Variants in TTC7B observed in about 807,000 individuals in gnomAD.
TTC7B encodes the protein tetratricopeptide repeat domain 7B, also known as tetratricopeptide repeat protein 7B.
In TTC7B, 28 loss-of-function variants were observed where a neutral mutation model predicts 106.8. The observed-to-expected ratio is 0.26, with a 90% CI of 0.19 to 0.36. The LOEUF (loss-of-function observed/expected upper bound fraction) is 0.36, where lower values mean the gene tolerates loss of function less well. TTC7B is among the 10% of genes least tolerant of loss of function. The probability of loss-of-function intolerance (pLI) is 1.00; values close to 1 mark genes in which losing one functional copy is unlikely to be tolerated. For missense variants in TTC7B, 862 were observed against 1,076.4 expected (o/e 0.80, Z 2.79); for synonymous variants, 405 against 430.6 (o/e 0.94, Z 0.74).
intron 9 of TTC7B, among the ~76,000 whole-genome samples, chr14:90,664,319 G>T (rs1259869482): frequency 6.6e-6 from 1 of 152,080 alleles, no homozygotes; most frequent in East Asian, 1.9e-4. Context: ...ACCCAGGCTG[G>T]AGTGTGGTAG....
At chr14:90,758,683 T>C (rs1890400720) in intron 3 of TTC7B, among the ~76,000 whole-genome samples, 1 of 152,154 alleles carries the variant, frequency 6.6e-6, no homozygotes, top group Non-Finnish European at 1.5e-5. Context: ...GTCCCAAGAC[T>C]CGTTCACAGG....
At chr14:90,650,076 G>A (rs1885650451) in intron 13 of TTC7B, among the ~76,000 whole-genome samples, 1 of 152,236 alleles carries the variant, frequency 6.6e-6, no homozygotes, top group South Asian at 2.1e-4. Flanking sequence ...GGCTCTCTTA[G>A]ATTCCATTTC....
chr14:90,785,818 G>A (rs1042682369), intron 2 of TTC7B, among the ~76,000 whole-genome samples: 28 of 152,172 alleles, frequency 1.8e-4, no homozygotes, highest in African/African-American at 5.3e-4. Flanking sequence ...GCTGTGCGCT[G>A]AGCATCCTTC....
intron 11 of TTC7B, among the ~76,000 whole-genome samples, chr14:90,656,512 G>A (rs1885953941): frequency 6.6e-6 from 1 of 152,178 alleles, no homozygotes; most frequent in South Asian, 2.1e-4. Context: ...CGTATGTGAA[G>A]GAATAGAAAT....
chr14:90,555,316 T>G (rs998294005), intron 19 of TTC7B, among the ~76,000 whole-genome samples: 2 of 152,164 alleles, frequency 1.3e-5, no homozygotes, highest in Non-Finnish European at 2.9e-5. Flanking sequence ...TGCCTGGCAC[T>G]GCAGGCCCTT....
At chr14:90,616,173 G>A (rs1466604631) in intron 16 of TTC7B, among the ~76,000 whole-genome samples, 2 of 152,144 alleles carry the variant, frequency 1.3e-5, no homozygotes, top group Non-Finnish European at 2.9e-5. Flanking sequence ...TTTCTAAAGG[G>A]GGTACAGGCA....
intron 19 of TTC7B, among the ~76,000 whole-genome samples, chr14:90,546,446 G>C (rs1359612239): frequency 6.6e-6 from 1 of 152,246 alleles, no homozygotes; most frequent in African/African-American, 2.4e-5. Context: ...CCTTCCCTGG[G>C]TTCAGCCAGG....
At chr14:90,691,611 G>T (rs1257549296) in intron 6 of TTC7B, among the ~76,000 whole-genome samples, 1 of 152,210 alleles carries the variant, frequency 6.6e-6, no homozygotes, top group East Asian at 1.9e-4. Flanking sequence ...GAGAAAGGTG[G>T]GAAGTGGGCC....
intron 15 of TTC7B, 54 bp from the exon 16 acceptor site, chr14:90,618,099 C>A: frequency 7.4e-7 from 1 of 1,360,336 alleles, no homozygotes; most frequent in Non-Finnish European, 1.0e-6. Context: ...ACAGAGTCCC[C>A]ATCCCAGCAA....
chr14:90,606,687 G>C (rs1892654311), intron 17 of TTC7B, among the ~76,000 whole-genome samples: 1 of 152,252 alleles, frequency 6.6e-6, no homozygotes, highest in East Asian at 1.9e-4. Flanking sequence ...GATACCTAAG[G>C]GGAAGTCATG....
chr14:90,635,759 C>CAA (rs34829977), intron 15 of TTC7B, among the ~76,000 whole-genome samples: 1 of 110,510 alleles, frequency 9.0e-6, no homozygotes, highest in Non-Finnish European at 1.8e-5. Context: ...GACTCTGTCT[C>CAA]AAAAAAAAAA....
chr14:90,804,557 C>T (rs1212749634), intron 1 of TTC7B, among the ~76,000 whole-genome samples: 5 of 152,218 alleles, frequency 3.3e-5, no homozygotes, highest in South Asian at 2.1e-4. Flanking sequence ...AGGCTCAGCA[C>T]GGTTGTGAGT....
chr14:90,700,755 C>A (rs1195257516), intron 5 of TTC7B, among the ~76,000 whole-genome samples: 1 of 79,886 alleles, frequency 1.3e-5, no homozygotes, highest in Non-Finnish European at 2.7e-5. Context: ...TCAACACTTA[C>A]AACTCCGGAA....
chr14:90,782,141 C>A (rs879546961), intron 2 of TTC7B, among the ~76,000 whole-genome samples: 2 of 152,076 alleles, frequency 1.3e-5, no homozygotes, highest in African/African-American at 2.4e-5. Flanking sequence ...CCAGGCATTT[C>A]TTGGAAGAGG....
At chr14:90,782,457 G>A (rs2140037473) in intron 2 of TTC7B, among the ~76,000 whole-genome samples, 1 of 152,158 alleles carries the variant, frequency 6.6e-6, no homozygotes, top group Non-Finnish European at 1.5e-5. Flanking sequence ...AAATTAGTGG[G>A]GCATGGTGGT....
intron 15 of TTC7B, among the ~76,000 whole-genome samples, chr14:90,622,724 C>A (rs1232154800): frequency 6.6e-6 from 1 of 152,042 alleles, no homozygotes; most frequent in South Asian, 2.1e-4. Flanking sequence ...AAGAGTGAGA[C>A]CCTGCCCCCA....
rs1437514121 is a variant in TTC7B, at chr14:90,624,161, T to C, written c.1752-6116A>G. Among the ~76,000 whole-genome samples, 1 of 152,264 alleles carries C rather than the reference T, an allele frequency of 6.6e-6. No homozygotes were observed. The highest frequency in any genetic ancestry group is 1.5e-5 in the Non-Finnish European group (1 of 68,046). ...ACTTGTCTTTCATCTAAAAGTCTGG[T>C]GCACATAAAATCTGGTTTTTTGAAG... On this transcript the variant is annotated intron_variant, in intron 15 of 19. Coordinates refer to ENST00000328459, the MANE Select transcript of TTC7B (RefSeq NM_001010854.2). The surrounding 1 kb of genome is among the most constrained non-coding windows in gnomAD (Gnocchi z 4.0).
intron 17 of TTC7B, among the ~76,000 whole-genome samples, chr14:90,609,379 C>G (rs1892785366): frequency 6.6e-6 from 1 of 152,198 alleles, no homozygotes; most frequent in Non-Finnish European, 1.5e-5. Flanking sequence ...ATTTCTCAAG[C>G]TGACTTTAAA....
intron 1 of TTC7B, among the ~76,000 whole-genome samples, chr14:90,786,664 C>T (rs1891401963): frequency 6.6e-6 from 1 of 152,046 alleles, no homozygotes; most frequent in African/African-American, 2.4e-5. Flanking sequence ...ACCGCAACCT[C>T]CACCTCCCGG....
Sources: allele counts gnomAD v4.1 joint callset (sites outside exome capture counted in the v4.1 genomes callset), GRCh38; gene constraint gnomAD v4.1.1; non-coding constraint Gnocchi (gnomAD v3.1); transcripts MANE v1.5; gene names NCBI Gene and HGNC (gene_info 2026-07-23, HGNC 2026-07-21).